The following TCAIM variants were observed in gnomAD, a reference collection of about 807,000 sequenced individuals.
The protein encoded by TCAIM is T cell activation inhibitor, mitochondrial.
In TCAIM, 36 loss-of-function variants were observed where a neutral mutation model predicts 58.6. That is an observed-to-expected ratio of 0.61 (90% confidence interval 0.47 to 0.81). TCAIM has a LOEUF of 0.81. Among genes scored for constraint, TCAIM ranks in the 30% least tolerant of loss-of-function variants. TCAIM has a pLI of 0.00. For synonymous variants in TCAIM, 172 were observed against 193.6 expected, an observed-to-expected ratio of 0.89 and a Z score of 0.93; for missense variants, 466 against 579.6, an observed-to-expected ratio of 0.80 and a Z score of 2.01.
chr3:44,407,711 G>C lies in TCAIM; in HGVS notation c.*29G>C, dbSNP rs759960310. On this transcript the variant is annotated 3_prime_UTR_variant, in exon 11 of 11. Coordinates refer to ENST00000342649, the MANE Select transcript of TCAIM (RefSeq NM_173826.4). ...AGAAATCTGTTTTATTTTTTTAAGA[G>C]ATAAGAAAGGAACTTAAATTAAAAA... The C allele has an allele frequency of 1.3e-6, 2 of 1,535,548 alleles. No homozygotes were observed. The highest frequency in any genetic ancestry group is 2.8e-5 in the African/African-American group (2 of 71,530).
At chr3:44,378,153 G>T (rs1041840362) in intron 5 of TCAIM, among the ~76,000 whole-genome samples, 1 of 152,028 alleles carries the variant, frequency 6.6e-6, no homozygotes, top group Non-Finnish European at 1.5e-5. Flanking sequence ...GGCTGAGGTG[G>T]GTGGATCATC....
chr3:44,357,619 C>A, intron 2 of TCAIM, 122 bp from the exon 3 acceptor site: 1 of 1,283,794 alleles, frequency 7.8e-7, no homozygotes, highest in Non-Finnish European at 1.0e-6. Context: ...TTCAGAAAAC[C>A]ACAAAGTATC....
At chr3:44,347,861 T>C (rs1701001349) in intron 1 of TCAIM, among the ~76,000 whole-genome samples, 1 of 151,978 alleles carries the variant, frequency 6.6e-6, no homozygotes, top group Non-Finnish European at 1.5e-5. Flanking sequence ...AGGTGTCCTA[T>C]GCTTGTGGAT....
chr3:44,378,346 C>A (rs1344100282), intron 5 of TCAIM, among the ~76,000 whole-genome samples: 1 of 151,870 alleles, frequency 6.6e-6, no homozygotes, highest in Non-Finnish European at 1.5e-5. Context: ...TGCCACTGCA[C>A]TCCAGCCTGG....
chr3:44,395,642 T>G (rs1447445607), intron 6 of TCAIM, among the ~76,000 whole-genome samples: 1 of 152,200 alleles, frequency 6.6e-6, no homozygotes, highest in East Asian at 1.9e-4. Flanking sequence ...ATTTATAAAA[T>G]GAGCAGATTA....
At chr3:44,377,129 A>C (rs1701578302) in intron 5 of TCAIM, among the ~76,000 whole-genome samples, 1 of 152,148 alleles carries the variant, frequency 6.6e-6, no homozygotes, top group Admixed American at 6.6e-5. Context: ...TGATTCAACT[A>C]TATGCCATCT....
intron 7 of TCAIM, 122 bp from the exon 8 acceptor site, chr3:44,396,621 G>C: frequency 7.1e-7 from 1 of 1,407,556 alleles, no homozygotes. Flanking sequence ...GAATAAAGCA[G>C]TGGCATAAAA....
At chr3:44,403,602 A>G (rs957663600) in intron 10 of TCAIM, among the ~76,000 whole-genome samples, 30 of 152,158 alleles carry the variant, frequency 2.0e-4, no homozygotes, top group African/African-American at 6.3e-4. Context: ...CTTTTTCTCT[A>G]TGGCCATTAT....
intron 8 of TCAIM, among the ~76,000 whole-genome samples, chr3:44,399,532 A>G (rs560037744): frequency 1.3e-5 from 2 of 152,182 alleles, no homozygotes; most frequent in African/African-American, 4.8e-5. Flanking sequence ...CCCAGCCCCT[A>G]CGTCCCCCTT....
chr3:44,391,069 T>C (rs1248854037), intron 5 of TCAIM: 1 of 152,272 alleles, frequency 6.6e-6, no homozygotes, highest in Non-Finnish European at 1.5e-5. Flanking sequence ...ACAAGCACCC[T>C]TATGTCATGA....
intron 1 of TCAIM, among the ~76,000 whole-genome samples, chr3:44,352,393 A>G (rs1701110106): frequency 1.3e-5 from 2 of 152,204 alleles, no homozygotes; most frequent in African/African-American, 4.8e-5. Context: ...ATCTTGCTAA[A>G]GAGCTACATT....
At chr3:44,343,810 T>C (rs1171197643) in intron 1 of TCAIM, among the ~76,000 whole-genome samples, 1 of 152,244 alleles carries the variant, frequency 6.6e-6, no homozygotes, top group Non-Finnish European at 1.5e-5. Context: ...ATTTAATGTT[T>C]AGATTTGTAT....
chr3:44,350,429 TTTTC>T (rs1701064145), intron 1 of TCAIM, among the ~76,000 whole-genome samples: 2 of 151,786 alleles, frequency 1.3e-5, no homozygotes, highest in African/African-American at 4.9e-5. Flanking sequence ...TTCTTTTTCA[TTTTC>T]TTTCTTTTTT....
intron 10 of TCAIM, 128 bp downstream of exon 10, chr3:44,401,462 T>G (rs1019293553): frequency 8.5e-7 from 1 of 1,172,438 alleles, no homozygotes; most frequent in African/African-American, 1.6e-5. Flanking sequence ...TTATTAGATA[T>G]TCCATATTTA....
intron 3 of TCAIM, among the ~76,000 whole-genome samples, chr3:44,360,011 C>G (rs141726886): frequency 0.021 from 3,185 of 152,236 alleles, 61 homozygotes; most frequent in African/African-American, 0.051. Flanking sequence ...CCCAGATATC[C>G]CAGATATGGC....
chr3:44,398,460 G>A (rs1701972368), intron 8 of TCAIM, among the ~76,000 whole-genome samples: 1 of 147,466 alleles, frequency 6.8e-6, no homozygotes, highest in African/African-American at 2.5e-5. Flanking sequence ...TAGATAGATA[G>A]ATAGATAGAT....
At chr3:44,349,489 A>G (rs1701041056) in intron 1 of TCAIM, among the ~76,000 whole-genome samples, 1 of 152,162 alleles carries the variant, frequency 6.6e-6, no homozygotes, top group East Asian at 1.9e-4. Context: ...GGTTGCCCAT[A>G]GTGAAGGAGG....
chr3:44,371,190 G>A (rs1701463816), intron 5 of TCAIM, among the ~76,000 whole-genome samples: 1 of 151,324 alleles, frequency 6.6e-6, no homozygotes, highest in Non-Finnish European at 1.5e-5. Flanking sequence ...GGGATTACAG[G>A]CATGAGCCAC....
chr3:44,385,874 G>C (rs1051113818), intron 5 of TCAIM, among the ~76,000 whole-genome samples: 5 of 152,032 alleles, frequency 3.3e-5, no homozygotes, highest in African/African-American at 4.8e-5. Context: ...AAAAGAAAAT[G>C]CTTTTGTTGA....
Sources: allele counts gnomAD v4.1 joint callset (sites outside exome capture counted in the v4.1 genomes callset), GRCh38; gene constraint gnomAD v4.1.1; transcripts MANE v1.5; gene names NCBI Gene and HGNC (gene_info 2026-07-23, HGNC 2026-07-21).